NRXN1: variants seen among roughly 807,000 people sequenced by gnomAD.
The protein encoded by NRXN1 is neurexin-1.
NRXN1 carries 39 observed loss-of-function variants against 150.9 expected under a neutral mutation model. The observed-to-expected ratio is 0.26, with a 90% confidence interval of 0.20 to 0.34. The LOEUF (loss-of-function observed/expected upper bound fraction) is 0.34. Among genes scored for constraint, NRXN1 ranks in the 10% least tolerant of loss-of-function variants. NRXN1 has a pLI of 1.00. For synonymous variants in NRXN1, 924 were observed against 757.0 expected (o/e 1.22, Z -3.62); for missense variants, 1,815 against 1,949.9 (o/e 0.93, Z 1.30).
intron 2 of NRXN1, among the ~76,000 whole-genome samples, chr2:50,992,379 C>A (rs1378541201): frequency 6.6e-6 from 1 of 151,948 alleles, no homozygotes; most frequent in African/African-American, 2.4e-5. Context: ...ATTCTACCCT[C>A]AAACCTTTTA....
chr2:50,451,376 AC>A (rs2086948986), intron 17 of NRXN1, among the ~76,000 whole-genome samples: 1 of 152,134 alleles, frequency 6.6e-6, no homozygotes, highest in South Asian at 2.1e-4. Context: ...ACTTCACAAA[AC>A]CATCATTTTT....
intron 2 of NRXN1, among the ~76,000 whole-genome samples, chr2:50,965,831 T>G (rs926710813): frequency 6.6e-6 from 1 of 151,666 alleles, no homozygotes; most frequent in African/African-American, 2.4e-5. Flanking sequence ...GATTTTCTAG[T>G]TAAAATTGAC....
chr2:50,611,624 A>C (rs1439343519), intron 8 of NRXN1, among the ~76,000 whole-genome samples: 10 of 152,202 alleles, frequency 6.6e-5, no homozygotes, highest in Non-Finnish European at 1.3e-4. Flanking sequence ...ATCCTTAGCA[A>C]TGTATAGAGC....
intron 5 of NRXN1, among the ~76,000 whole-genome samples, chr2:50,773,425 G>A (rs930447930): frequency 6.6e-5 from 10 of 152,236 alleles, no homozygotes; most frequent in African/African-American, 1.4e-4. Flanking sequence ...GTCCCTTTGC[G>A]GGGGAGGAAA....
At chr2:50,290,630 G>A (rs2072797782) in intron 17 of NRXN1, among the ~76,000 whole-genome samples, 1 of 152,142 alleles carries the variant, frequency 6.6e-6, no homozygotes, top group Non-Finnish European at 1.5e-5. Flanking sequence ...AGGAGGCCAA[G>A]CCACTGGAAC....
At chr2:50,489,715 G>A (rs1179415760) in intron 15 of NRXN1, among the ~76,000 whole-genome samples, 5 of 152,138 alleles carry the variant, frequency 3.3e-5, no homozygotes, top group Non-Finnish European at 7.3e-5. Flanking sequence ...CATGGTTAAT[G>A]TCAGAAAAAT....
At chr2:50,127,414 CT>C (rs1443275906) in intron 18 of NRXN1, among the ~76,000 whole-genome samples, 2 of 151,820 alleles carry the variant, frequency 1.3e-5, no homozygotes, top group Admixed American at 6.6e-5. Flanking sequence ...TATAGGTTTT[CT>C]TTTTTTTGTC....
chr2:50,753,629 A>C (rs1700854463), intron 5 of NRXN1, among the ~76,000 whole-genome samples: 1 of 151,846 alleles, frequency 6.6e-6, no homozygotes, highest in African/African-American at 2.4e-5. Context: ...TTCTCTTCTT[A>C]TCTCTCCCCT....
chr2:50,502,207 GAAGA>G (rs1020882978), intron 13 of NRXN1, among the ~76,000 whole-genome samples: 51 of 144,938 alleles, frequency 3.5e-4, no homozygotes, highest in African/African-American at 1.2e-3. Context: ...AGGAAGAAAG[GAAGA>G]AAGAAAGGAA....
In NRXN1 at chr2:50,776,040, T is replaced by C. The variant is rs111419758; in HGVS notation, c.832+145829A>G. ...AATATATTACTGTGGACCCAAAGCA[T>C]AATGGGCCATTTAAAATCATTCTAT... On this transcript the variant is annotated intron_variant, in intron 5 of 22. Coordinates refer to ENST00000401669, the MANE Select transcript of NRXN1 (RefSeq NM_001330078.2). Among the ~76,000 whole-genome samples, 65 of 152,102 alleles carry C rather than the reference T, an allele frequency of 4.3e-4. 1 individual carries two copies. The highest frequency in any genetic ancestry group is 1.5e-4 in the Non-Finnish European group (10 of 67,984).
At chr2:50,172,393 GCTT>G (rs1276473431) in intron 18 of NRXN1, among the ~76,000 whole-genome samples, 1 of 152,082 alleles carries the variant, frequency 6.6e-6, no homozygotes, top group Non-Finnish European at 1.5e-5. Flanking sequence ...GGACTCTCTA[GCTT>G]GATGTTCTTC....
chr2:50,467,378 A>T (rs1191427369), intron 16 of NRXN1, among the ~76,000 whole-genome samples: 1 of 151,616 alleles, frequency 6.6e-6, no homozygotes, highest in African/African-American at 2.4e-5. Flanking sequence ...TATAGGTTTT[A>T]TAAAAATAGA....
intron 8 of NRXN1, among the ~76,000 whole-genome samples, chr2:50,594,983 A>G (rs891563271): frequency 5.9e-5 from 9 of 151,438 alleles, no homozygotes; most frequent in Non-Finnish European, 1.3e-4. Context: ...AATGAATAAG[A>G]GTTGACCTCT....
intron 17 of NRXN1, among the ~76,000 whole-genome samples, chr2:50,413,395 C>T (rs2083323639): frequency 6.6e-6 from 1 of 151,692 alleles, no homozygotes; most frequent in South Asian, 2.1e-4. Context: ...AGAAGACATA[C>T]AAATGGCAAA....
chr2:50,816,557 C>T (rs1158212815), intron 5 of NRXN1, among the ~76,000 whole-genome samples: 5 of 152,028 alleles, frequency 3.3e-5, no homozygotes, highest in South Asian at 4.1e-4. Flanking sequence ...ATTTATCTTG[C>T]GTTATGCTTT....
intron 5 of NRXN1, among the ~76,000 whole-genome samples, chr2:50,745,924 C>G (rs1341940606): frequency 1.3e-5 from 2 of 152,008 alleles, no homozygotes; most frequent in Non-Finnish European, 2.9e-5. Context: ...TAAACCATAT[C>G]AGGTGGAAAT....
intron 11 of NRXN1, 145 bp from the exon 12 acceptor site, chr2:50,528,796 A>G (rs1251516351): frequency 1.8e-6 from 1 of 546,678 alleles, no homozygotes; most frequent in African/African-American, 2.0e-5. Flanking sequence ...ACATACTTAT[A>G]AAGCCCAGAT....
chr2:50,048,612 A>T (rs1409150217), intron 21 of NRXN1, among the ~76,000 whole-genome samples: 1 of 152,196 alleles, frequency 6.6e-6, no homozygotes, highest in Admixed American at 6.6e-5. Flanking sequence ...AGAAGTGTCC[A>T]ATATATTCAA....
chr2:50,405,419 A>C (rs994742775), intron 17 of NRXN1, among the ~76,000 whole-genome samples: 3 of 152,186 alleles, frequency 2.0e-5, no homozygotes, highest in Admixed American at 6.5e-5. Flanking sequence ...AAGAGGTGGA[A>C]AGAAAATGAA....
Sources: allele counts gnomAD v4.1 joint callset (sites outside exome capture counted in the v4.1 genomes callset), GRCh38; gene constraint gnomAD v4.1.1; transcripts MANE v1.5; gene names NCBI Gene and HGNC (gene_info 2026-07-23, HGNC 2026-07-21).